MYO6: variants seen among roughly 807,000 people sequenced by gnomAD.
The protein encoded by MYO6 is myosin VI, also known as unconventional myosin-VI.
MYO6 carries 74 observed loss-of-function variants against 178.7 expected under a neutral mutation model. The observed-to-expected ratio is 0.41, with a 90% CI of 0.34 to 0.50. The LOEUF (loss-of-function observed/expected upper bound fraction) is 0.50, where lower values mean the gene tolerates loss of function less well. Among genes scored for constraint, MYO6 ranks in the 20% least tolerant of loss-of-function variants. The pLI is 0.09. For missense variants in MYO6, 1,330 were observed against 1,547.4 expected (o/e 0.86, Z 2.36); for synonymous variants, 477 against 504.6 (o/e 0.95, Z 0.73).
In MYO6 at chr6:75,886,026, AG is replaced by A; in HGVS notation, c.2440del (p.Ala814LeufsTer33). 6.2e-7 allele frequency: 1 copy of A among 1,609,044 alleles called. No homozygotes were observed. The highest frequency in any genetic ancestry group is 8.5e-7 in the Non-Finnish European group (1 of 1,175,952). On this transcript the variant is annotated frameshift_variant, in exon 24 of 35. Coordinates refer to ENST00000369977, the MANE Select transcript of MYO6 (RefSeq NM_004999.4). LOFTEE classifies it high-confidence loss of function. ...IKLKNKIKYR[A>X]EACIKMQKTI... is the part of the protein sequence containing the mutation. Reference sequence around the variant, plus strand: ...TAGTGAAAAACAAAATAAAATATCGAGCTGAAGCCTGCATTAAAATGCAAAA... The same window carrying A: ...TAGTGAAAAACAAAATAAAATATCGACTGAAGCCTGCATTAAAATGCAAAA...
intron 27 of MYO6, among the ~76,000 whole-genome samples, chr6:75,892,255 T>A (rs564256493): frequency 8.9e-4 from 136 of 152,340 alleles, no homozygotes; most frequent in African/African-American, 3.1e-3. Context: ...ACTCATGTGA[T>A]GTTTGGGACA....
intron 1 of MYO6, among the ~76,000 whole-genome samples, chr6:75,794,425 G>A (rs1768566084): frequency 6.6e-6 from 1 of 152,122 alleles, no homozygotes; most frequent in Non-Finnish European, 1.5e-5. Context: ...AGTAATAGGG[G>A]TGAAATAAAA....
At chr6:75,913,572 C>T (rs1255809361) in intron 33 of MYO6, among the ~76,000 whole-genome samples, 1 of 152,084 alleles carries the variant, frequency 6.6e-6, no homozygotes, top group Non-Finnish European at 1.5e-5. Flanking sequence ...TATATGGCTT[C>T]TACTTTTTGT....
At chr6:75,758,938 C>G (rs1432432292) in intron 1 of MYO6, among the ~76,000 whole-genome samples, 1 of 151,120 alleles carries the variant, frequency 6.6e-6, no homozygotes, top group African/African-American at 2.4e-5. Flanking sequence ...GGCATGATCT[C>G]AGCTCACTGC....
chr6:75,795,293 T>G (rs1180960210), intron 1 of MYO6, among the ~76,000 whole-genome samples: 1 of 152,168 alleles, frequency 6.6e-6, no homozygotes, highest in African/African-American at 2.4e-5. Flanking sequence ...GAGATCTACT[T>G]TAAAAAAAAC....
intron 33 of MYO6, among the ~76,000 whole-genome samples, chr6:75,912,105 A>G (rs928363693): frequency 2.0e-5 from 3 of 151,980 alleles, no homozygotes; most frequent in African/African-American, 7.2e-5. Context: ...TGCCAAAGGT[A>G]TTTTAGTTTT....
intron 1 of MYO6, among the ~76,000 whole-genome samples, chr6:75,770,428 A>G (rs982214881): frequency 6.6e-6 from 1 of 152,128 alleles, no homozygotes; most frequent in African/African-American, 2.4e-5. Context: ...TATATATAGT[A>G]TTTGTTGCTC....
At chr6:75,847,687 A>G (rs1251871396) in intron 10 of MYO6, among the ~76,000 whole-genome samples, 1 of 152,002 alleles carries the variant, frequency 6.6e-6, no homozygotes, top group Non-Finnish European at 1.5e-5. Context: ...ATATATATAT[A>G]TGCATATAAA....
chr6:75,772,519 C>T (rs1583026580), intron 1 of MYO6, among the ~76,000 whole-genome samples: 2 of 152,150 alleles, frequency 1.3e-5, no homozygotes, highest in East Asian at 3.9e-4. Context: ...ACCTTACTGA[C>T]AAAAAGAAAT....
chr6:75,886,632 G>T (rs1176708831), intron 24 of MYO6, among the ~76,000 whole-genome samples: 2 of 152,156 alleles, frequency 1.3e-5, no homozygotes, highest in African/African-American at 4.8e-5. Flanking sequence ...AATTCTCAAA[G>T]TTGTAGAAGG....
intron 15 of MYO6, among the ~76,000 whole-genome samples, chr6:75,861,380 A>G (rs1776204477): frequency 1.3e-5 from 2 of 152,240 alleles, no homozygotes; most frequent in East Asian, 1.9e-4. Flanking sequence ...TTAATTGCCT[A>G]GTCAGTAAAG....
intron 2 of MYO6, among the ~76,000 whole-genome samples, chr6:75,822,344 C>T (rs961378346): frequency 5.9e-5 from 9 of 152,084 alleles, no homozygotes; most frequent in South Asian, 4.1e-4. Context: ...ATGATCCACC[C>T]GCCTCGGCCT....
intron 2 of MYO6, among the ~76,000 whole-genome samples, chr6:75,821,323 G>T (rs1288088361): frequency 6.6e-6 from 1 of 152,078 alleles, no homozygotes; most frequent in Non-Finnish European, 1.5e-5. Context: ...TGTGAAAGTT[G>T]GGCACATACA....
chr6:75,893,447 CAT>C (rs1583390002), intron 28 of MYO6, among the ~76,000 whole-genome samples: 1 of 152,058 alleles, frequency 6.6e-6, no homozygotes. Flanking sequence ...CACATAGACA[CAT>C]GTAACCATGC....
rs761793833 is a variant in MYO6 at position 75,830,482 on chromosome 6, G to A, written c.328G>A (p.Glu110Lys). ...YFDIPKIYSSEAIKSYQGKSL... is the reference protein window; with the variant it reads ...YFDIPKIYSSKAIKSYQGKSL... ...TGACATACCTAAAATATATTCTTCA[G>A]AAGCAATAAAGTCATATCAAGGAAA... The change falls in exon 5 of 35, where the codon GAA becomes AAA. Residue 110 changes from glutamate to lysine, a missense_variant. Around this residue, in one of 3 missense-constraint regions of MYO6, gnomAD observed 613 missense variants for 816.8 expected, o/e 0.75. Transcript: ENST00000369977. 4 of 1,612,056 alleles carry A rather than the reference G, an allele frequency of 2.5e-6. No homozygotes were observed. The African/African-American group carries it at 5.3e-5, about 22-fold the overall frequency.
chr6:75,894,712 T>C (rs961255765), intron 28 of MYO6: 12 of 703,990 alleles, frequency 1.7e-5, no homozygotes, highest in Non-Finnish European at 2.1e-6. Context: ...TAAACTGTTC[T>C]TAATCTATAG....
chr6:75,804,096 G>C (rs1433330185), intron 1 of MYO6, among the ~76,000 whole-genome samples: 1 of 152,180 alleles, frequency 6.6e-6, no homozygotes, highest in Non-Finnish European at 1.5e-5. Context: ...GTCCCACTAT[G>C]TTGCCCAGAG....
chr6:75,762,818 A>C (rs1778067372), intron 1 of MYO6, among the ~76,000 whole-genome samples: 1 of 152,318 alleles, frequency 6.6e-6, no homozygotes, highest in African/African-American at 2.4e-5. Context: ...ATAATTACAT[A>C]CTTAATGTAT....
chr6:75,892,999 C>G (rs543938820), intron 28 of MYO6, among the ~76,000 whole-genome samples: 2 of 151,914 alleles, frequency 1.3e-5, no homozygotes, highest in South Asian at 4.2e-4. Context: ...AGGTAGACAC[C>G]TAATTTCTAA....
Sources: allele counts gnomAD v4.1 joint callset (sites outside exome capture counted in the v4.1 genomes callset), GRCh38; gene constraint gnomAD v4.1.1; regional missense constraint gnomAD v4.1.1; transcripts MANE v1.5; gene names NCBI Gene and HGNC (gene_info 2026-07-23, HGNC 2026-07-21).